Variants in TGFB3 observed in about 807,000 individuals in gnomAD.
The protein encoded by TGFB3 is transforming growth factor beta-3 proprotein.
Under a neutral mutation model 40.1 loss-of-function variants are expected in TGFB3, and 5 were observed. The observed-to-expected ratio is 0.12, with a 90% CI of 0.07 to 0.26. The LOEUF is 0.26. Among genes scored for constraint, TGFB3 ranks in the 10% least tolerant of loss-of-function variants. The probability of loss-of-function intolerance (pLI) is 1.00; values close to 1 mark genes in which losing one functional copy is unlikely to be tolerated. For synonymous variants in TGFB3, 184 were observed against 205.6 expected (o/e 0.89, Z 0.90); for missense variants, 373 against 530.1 (o/e 0.70, Z 2.91).
At chr14:75,967,113 C>G (rs571659803) in intron 3 of TGFB3, among the ~76,000 whole-genome samples, 39 of 152,380 alleles carry the variant, frequency 2.6e-4, no homozygotes, top group Non-Finnish European at 5.4e-4. Flanking sequence ...CCTGGCCCAG[C>G]AACCTTCTCA....
In TGFB3 at chr14:75,971,752, G is replaced by A. The variant is rs759202911; in HGVS notation, c.353-34C>T. The A allele has an allele frequency of 1.9e-6, 3 of 1,612,520 alleles. No individual in the cohort carries two copies. Among genetic ancestry groups the A allele is most frequent in the Non-Finnish European group, 2.5e-6 (3 of 1,179,218 alleles). Reference sequence around the variant, plus strand: ...TAAAGCAGAGCAGAGGGCACAGCATGAGCGAGACATGCAGGAACAGTGTGC... The same window carrying A: ...TAAAGCAGAGCAGAGGGCACAGCATAAGCGAGACATGCAGGAACAGTGTGC... On this transcript the variant is annotated intron_variant, in intron 1 of 6. Coordinates refer to ENST00000238682, the MANE Select transcript of TGFB3 (RefSeq NM_003239.5). The surrounding 1 kb of genome is among the most constrained non-coding windows in gnomAD (Gnocchi z 4.5).
intron 1 of TGFB3, among the ~76,000 whole-genome samples, chr14:75,972,599 G>C (rs1421073271): frequency 6.6e-6 from 1 of 152,200 alleles, no homozygotes; most frequent in East Asian, 1.9e-4. Flanking sequence ...AGGATGGGGA[G>C]GAAAGAAATG....
intron 3 of TGFB3, among the ~76,000 whole-genome samples, chr14:75,968,332 G>A (rs909958307): frequency 6.6e-6 from 1 of 152,166 alleles, no homozygotes; most frequent in African/African-American, 2.4e-5. Context: ...TGTGGGAAAG[G>A]TGGGCAGTAT....
In TGFB3 at chr14:75,971,668, T is replaced by A; in HGVS notation, c.403A>T (p.Asn135Tyr). 6.2e-7 allele frequency: 1 copy of A among 1,614,216 alleles called. No homozygotes were observed. Among genetic ancestry groups the A allele is most frequent in the Non-Finnish European group, 8.5e-7 (1 of 1,180,042 alleles). The stretch of plus-strand genomic sequence containing the variant: ...CTATTTTTCTCCACTGAGGACACAT[T>A]GAAGCGGAAAACCTTGGAGGTAATT... ...KGITSKVFRF[N>Y]VSSVEKNRTN... Residue 135 changes from asparagine (N) to tyrosine (Y), a missense_variant, in exon 2 of 7, where the codon AAT becomes TAT. Asn to Tyr is a moderately radical substitution (Grantham distance 143). Transcript: ENST00000238682. This position sits in a 1 kb window ranked among gnomAD's most constrained non-coding sequence, Gnocchi z 4.5.
chr14:75,965,930 T>C (rs2035216303), intron 3 of TGFB3: 1 of 550,812 alleles, frequency 1.8e-6, no homozygotes, highest in South Asian at 2.0e-5. Context: ...AATGGGGGCA[T>C]ACACTAGTGG....
Position 75,978,812 on chromosome 14 carries a change from G to A in TGFB3, c.352+1730C>T, listed in dbSNP as rs1357591698. Among the ~76,000 whole-genome samples, 2 of 152,284 alleles carry A rather than the reference G, an allele frequency of 1.3e-5. No individual in the cohort carries two copies. Among genetic ancestry groups the A allele is most frequent in the African/African-American group, 2.4e-5 (1 of 41,556 alleles). On this transcript the variant is annotated intron_variant, in intron 1 of 6. Coordinates refer to ENST00000238682, the MANE Select transcript of TGFB3 (RefSeq NM_003239.5). The surrounding 1 kb of genome is among the most constrained non-coding windows in gnomAD (Gnocchi z 5.0). Reference sequence around the variant, plus strand: ...TCATTCATTCTCAGCTCAGGATTCCGGGATGGGGGGGTCCTGGTGACTCAG... The same window carrying A: ...TCATTCATTCTCAGCTCAGGATTCCAGGATGGGGGGGTCCTGGTGACTCAG...
chr14:75,966,286 A>C (rs4252336), intron 3 of TGFB3: 12,705 of 168,934 alleles, frequency 0.075, 554 homozygotes, highest in African/African-American at 0.11. Context: ...GGTCACTTGC[A>C]AACAGGAAGC....
Position 75,981,183 on chromosome 14 carries a change from G to A in TGFB3, c.-290C>T, listed in dbSNP as rs924896034. On this transcript the variant is annotated 5_prime_UTR_variant, in exon 1 of 7. Coordinates refer to ENST00000238682, the MANE Select transcript of TGFB3 (RefSeq NM_003239.5). The surrounding 1 kb of genome is among the most constrained non-coding windows in gnomAD (Gnocchi z 4.7). ...TCTGACTCCCAGCAGGCCAGGTGGA[G>A]GGCAAGCAGAGGGCTGGGAGGGGTG... The A allele has an allele frequency of 6.5e-6, 3 of 461,522 alleles. No homozygotes were observed. The highest frequency in any genetic ancestry group is 5.9e-5 in the African/African-American group (3 of 50,760). The allele number at this position is 461,522 out of a possible 1,614,324, so 28.6% of individuals were successfully genotyped here. A position where few individuals can be genotyped will look rare whatever the true frequency, so the allele number is the denominator to read the frequency against.
In TGFB3 at chr14:75,971,922, C is replaced by T. The variant is rs943887081; in HGVS notation, c.353-204G>A. ...AGTCCTGAGCAAGGAGCAGTGTGGC[C>T]TCAGAGCTCCACAACATGGCACTAG... On this transcript the variant is annotated intron_variant, in intron 1 of 6. Transcript: ENST00000238682. The surrounding 1 kb of genome is among the most constrained non-coding windows in gnomAD (Gnocchi z 4.5). Among the ~76,000 whole-genome samples, 2 of 152,208 alleles carry T rather than the reference C, an allele frequency of 1.3e-5. No individual in the cohort carries two copies. The highest frequency in any genetic ancestry group is 2.4e-5 in the African/African-American group (1 of 41,450).
chr14:75,969,057 T>G (rs2035255720), intron 3 of TGFB3, among the ~76,000 whole-genome samples: 1 of 152,120 alleles, frequency 6.6e-6, no homozygotes, highest in Admixed American at 6.5e-5. Flanking sequence ...AATCTTTCGA[T>G]TTTTCAAAAA....
intron 3 of TGFB3, among the ~76,000 whole-genome samples, chr14:75,968,774 A>C (rs774008148): frequency 2.3e-4 from 35 of 152,196 alleles, no homozygotes; most frequent in Admixed American, 4.6e-4. Context: ...CCATCTGCCA[A>C]CTCAGCCACT....
At chr14:75,970,895 T>C (rs949449655) in intron 3 of TGFB3, 1 of 524,730 alleles carries the variant, frequency 1.9e-6, no homozygotes, top group Non-Finnish European at 3.4e-6. Context: ...CACATTGCCC[T>C]CTTTCTATTT....
At chr14:75,963,269 C>A in intron 5 of TGFB3, 47 bp downstream of exon 5, 1 of 1,610,466 alleles carries the variant, frequency 6.2e-7, no homozygotes, top group Non-Finnish European at 8.5e-7. Flanking sequence ...AGCCATTGGG[C>A]AGTAGGCAGG....
At chr14:75,961,369 G>A (rs1331468383) in intron 5 of TGFB3, among the ~76,000 whole-genome samples, 1 of 152,186 alleles carries the variant, frequency 6.6e-6, no homozygotes, top group Non-Finnish European at 1.5e-5. Flanking sequence ...GTGCTATGAA[G>A]CGCTCCACAT....
intron 1 of TGFB3, among the ~76,000 whole-genome samples, chr14:75,977,236 G>A (rs2284792): frequency 0.65 from 98,867 of 152,136 alleles, 33,691 homozygotes; most frequent in Non-Finnish European, 0.74. Flanking sequence ...ACAAGTCTCC[G>A]AACAGAGACA....
intron 1 of TGFB3, among the ~76,000 whole-genome samples, chr14:75,972,948 C>G (rs535495696): frequency 6.6e-6 from 1 of 152,288 alleles, no homozygotes; most frequent in East Asian, 1.9e-4. Context: ...CTTGACAGCA[C>G]GTGCTATGCC....
chr14:75,963,617 C>G, intron 4 of TGFB3, 130 bp from the exon 5 acceptor site: 2 of 1,075,278 alleles, frequency 1.9e-6, no homozygotes, highest in Non-Finnish European at 2.8e-6. Flanking sequence ...GTGTGGGGGA[C>G]AAGTGCAGCT....
At chr14:75,965,535 C>A in intron 4 of TGFB3, 53 bp downstream of exon 4, 8 of 1,456,404 alleles carry the variant, frequency 5.5e-6, no homozygotes, top group South Asian at 1.1e-5. Flanking sequence ...CTATCCTGTC[C>A]CATTAACTTC....
chr14:75,964,915 C>T lies in TGFB3; in HGVS notation c.754+673G>A, dbSNP rs186127542. On this transcript the variant is annotated intron_variant, in intron 4 of 6. Transcript: ENST00000238682. The stretch of plus-strand genomic sequence containing the variant: ...TCCCAGACAAGCCTCTGACCTCAGG[C>T]GTTCCGCAGTTACCCAAAATGGGAA... Among the ~76,000 whole-genome samples, 24 of 152,288 alleles carry T rather than the reference C, an allele frequency of 1.6e-4. 1 individual carries two copies. In the Middle Eastern group the frequency reaches 0.01, roughly 65 times the overall value.
Sources: gnomAD v4.1 joint callset for allele counts (sites outside exome capture counted in the v4.1 genomes callset) on GRCh38, gnomAD v4.1.1 for gene constraint, Gnocchi (gnomAD v3.1) non-coding constraint, MANE v1.5 for transcripts, NCBI Gene and HGNC (gene_info 2026-07-23, HGNC 2026-07-21) for gene names.